The following FCGR1A variants were observed in gnomAD, a reference collection of about 807,000 sequenced individuals.
The protein encoded by FCGR1A is high affinity immunoglobulin gamma Fc receptor I.
FCGR1A carries 13 observed loss-of-function variants against 35.0 expected under a neutral mutation model. The observed-to-expected ratio is 0.37, with a 90% CI of 0.24 to 0.59. The LOEUF (loss-of-function observed/expected upper bound fraction) is 0.59. FCGR1A is among the 20% of genes least tolerant of loss of function. FCGR1A has a pLI of 0.71. For missense variants in FCGR1A, 227 were observed against 430.0 expected (o/e 0.53, Z 4.17); for synonymous variants, 91 against 164.7 (o/e 0.55, Z 3.43).
chr1:149,790,254 G>T lies in FCGR1A; in HGVS notation c.760G>T (p.Asp254Tyr). The T allele has an allele frequency of 6.2e-7, 1 of 1,604,788 alleles. No homozygotes were observed. Among genetic ancestry groups the T allele is most frequent in the East Asian group, 2.2e-5 (1 of 44,758 alleles). Residue 254 changes from aspartate to tyrosine, a missense_variant, in exon 5 of 6, where the codon GAC (aspartate) becomes TAC (tyrosine). Asp to Tyr is a radical substitution (Grantham distance 160, BLOSUM62 -3). This residue lies in a region of FCGR1A where 185 missense variants were observed against 306.6 expected (regional missense o/e 0.60). Coordinates refer to ENST00000369168, the MANE Select transcript of FCGR1A (RefSeq NM_000566.4). The part of the protein sequence containing the change: ...EYQILTARRE[D>Y]SGLYWCEAAT... Reference sequence around the variant, plus strand: ...CCAAATACTAACTGCTAGAAGAGAAGACTCTGGGTTATACTGGTGCGAGGC... The same window carrying T: ...CCAAATACTAACTGCTAGAAGAGAATACTCTGGGTTATACTGGTGCGAGGC...
intron 3 of FCGR1A, chr1:149,785,546 A>G (rs1355217775): frequency 6.6e-6 from 1 of 151,196 alleles, no homozygotes; most frequent in Non-Finnish European, 1.5e-5. Flanking sequence ...TTCAAGCAGA[A>G]GTGTTTCATG....
chr1:149,792,590 G>C, downstream of FCGR1A: 2 of 1,202,734 alleles, frequency 1.7e-6, no homozygotes, highest in Non-Finnish European at 2.1e-6. Flanking sequence ...CTCCGAGCGT[G>C]TCCCGCGGCG....
At position 149,784,184 on chromosome 1, in the gene FCGR1A, T is replaced by A; in HGVS notation, c.234T>A (p.Asn78Lys). 6.2e-7 allele frequency: 1 copy of A among 1,611,434 alleles called. No individual in the cohort carries two copies. The highest frequency in any genetic ancestry group is 8.5e-7 in the Non-Finnish European group (1 of 1,179,788). The change falls in exon 3 of 6, where the codon AAT becomes AAA. Residue 78 changes from asparagine to lysine, a missense_variant. This residue lies in a region of FCGR1A where 185 missense variants were observed against 306.6 expected (regional missense o/e 0.60). Coordinates refer to ENST00000369168, the MANE Select transcript of FCGR1A (RefSeq NM_000566.4). ...PSYRITSASVNDSGEYRCQRG... is the reference protein window; with the variant it reads ...PSYRITSASVKDSGEYRCQRG... ...ACAGAATCACCTCTGCCAGTGTCAA[T>A]GACAGTGGTGAATACAGGTGCCAGA...
the FCGR1A span, among the ~76,000 whole-genome samples, chr1:149,796,844 C>A: frequency 9.2e-5 from 14 of 152,274 alleles, no homozygotes; most frequent in African/African-American, 3.4e-4. Flanking sequence ...GCTTTTAATA[C>A]TATTCTATTA....
At chr1:149,793,013 A>G, downstream of FCGR1A, 1 of 1,267,126 alleles carries the variant, frequency 7.9e-7, no homozygotes, top group Non-Finnish European at 1.0e-6. Flanking sequence ...GAGTCCCTCC[A>G]ACCCCGCCCC....
chr1:149,787,352 C>T (rs1398829777), intron 3 of FCGR1A: 1 of 152,104 alleles, frequency 6.6e-6, no homozygotes, highest in Non-Finnish European at 1.5e-5. Flanking sequence ...CCAACTGCCT[C>T]TGGAGAAAAG....
In FCGR1A at chr1:149,791,276, TCTATCTGG is replaced by T; in HGVS notation, c.886_893del (p.Tyr296SerfsTer17). Reference sequence around the variant, plus strand: ...ACTCCTGTCTGGTTTCATGTCCTTTTCTATCTGGCAGTGGGAATAATGTTTTTAGTGAA... The same window carrying T: ...ACTCCTGTCTGGTTTCATGTCCTTTTCAGTGGGAATAATGTTTTTAGTGAA... On this transcript the variant is annotated frameshift_variant, in exon 6 of 6. Transcript: ENST00000369168. LOFTEE classifies it high-confidence loss of function. 1 of 1,604,726 alleles carries T rather than the reference TCTATCTGG, an allele frequency of 6.2e-7. No homozygotes were observed. The highest frequency in any genetic ancestry group is 1.1e-5 in the South Asian group (1 of 90,180).
the FCGR1A span, among the ~76,000 whole-genome samples, chr1:149,799,596 A>T: frequency 6.6e-6 from 1 of 152,290 alleles, no homozygotes; most frequent in East Asian, 1.9e-4. Flanking sequence ...GAAATTGTGC[A>T]GTGCACAATC....
intron 5 of FCGR1A, 87 bp downstream of exon 5, chr1:149,790,425 GC>G (rs1362777870): frequency 6.5e-7 from 1 of 1,545,380 alleles, no homozygotes; most frequent in East Asian, 2.4e-5. Flanking sequence ...AGGGTTTTTG[GC>G]CCAGACAGGA....
intron 3 of FCGR1A, among the ~76,000 whole-genome samples, chr1:149,785,434 T>TTTTTA (rs2091521160): frequency 1.4e-5 from 2 of 142,012 alleles, no homozygotes; most frequent in African/African-American, 5.4e-5. Flanking sequence ...TTTTTTTTTT[T>TTTTTA]GAGACAGAGT....
the FCGR1A span, among the ~76,000 whole-genome samples, chr1:149,800,045 G>C: frequency 3.3e-3 from 501 of 152,000 alleles, 2 homozygotes; most frequent in African/African-American, 0.012. Flanking sequence ...TGGGCCTCCA[G>C]AACTTCTGAC....
downstream of FCGR1A, chr1:149,792,965 A>C (rs1553752275): frequency 3.1e-6 from 4 of 1,275,466 alleles, no homozygotes; most frequent in Non-Finnish European, 1.0e-6. Flanking sequence ...GAAGTTCGGT[A>C]GTCTGCGAGG....
At chr1:149,798,770 C>T in the FCGR1A span, among the ~76,000 whole-genome samples, 1 of 152,112 alleles carries the variant, frequency 6.6e-6, no homozygotes, top group African/African-American at 2.4e-5. Context: ...TGTAACCATG[C>T]CTGGCTAATA....
rs140559849 is a variant in FCGR1A, at chr1:149,791,447, A to T, written c.1055A>T (p.Lys352Ile). 3,661 of 1,606,864 alleles carry T rather than the reference A, an allele frequency of 2.3e-3. 64 individuals are homozygous for T. The African/African-American group carries it at 0.042, about 18-fold the overall frequency. The change falls in exon 6 of 6, where the codon AAA (lysine) becomes ATA (isoleucine). Residue 352 changes from lysine to isoleucine, a missense_variant. Around this residue, in one of 3 missense-constraint regions of FCGR1A, gnomAD observed 39 missense variants for 101.3 expected, o/e 0.38. Transcript: ENST00000369168. ...QEDRHLEEEL[K>I]CQEQKEEQLQ... ...GACAGACATTTAGAAGAAGAGCTGA[A>T]ATGTCAGGAACAAAAAGAAGAACAG...
At chr1:149,784,700 CTA>C (rs34346480) in intron 3 of FCGR1A, among the ~76,000 whole-genome samples, 8,864 of 146,106 alleles carry the variant, frequency 0.061, 741 homozygotes, top group African/African-American at 0.2. Context: ...TATATATAAA[CTA>C]TATATATATA....
At chr1:149,785,235 C>G (rs1181361650) in intron 3 of FCGR1A, among the ~76,000 whole-genome samples, 1 of 152,070 alleles carries the variant, frequency 6.6e-6, no homozygotes, top group African/African-American at 2.4e-5. Context: ...TCAATCCACA[C>G]TGGAGGCAAA....
the FCGR1A span, among the ~76,000 whole-genome samples, chr1:149,798,536 G>A: frequency 1.3e-5 from 2 of 151,174 alleles, no homozygotes; most frequent in African/African-American, 4.9e-5. Flanking sequence ...ACAATTCATG[G>A]TCATTCCTTA....
At chr1:149,786,879 TTAGTA>T (rs1317123700) in intron 3 of FCGR1A, 1 of 152,212 alleles carries the variant, frequency 6.6e-6, no homozygotes, top group African/African-American at 2.4e-5. Context: ...TATCAGTTCA[TTAGTA>T]TTTGTTGAAA....
At position 149,791,323 on chromosome 1, in the gene FCGR1A, G is replaced by A. The variant is rs781873802; in HGVS notation, c.931G>A (p.Val311Met). 4.4e-6 allele frequency: 7 copies of A among 1,594,670 alleles called. No homozygotes were observed. Among genetic ancestry groups the A allele is most frequent in the Non-Finnish European group, 6.0e-6 (7 of 1,170,340 alleles). The change falls in exon 6 of 6, where the codon GTG becomes ATG. Residue 311 changes from valine to methionine, a missense_variant. Val to Met is a conservative substitution (Grantham distance 21). This residue lies in a region of FCGR1A where 39 missense variants were observed against 101.3 expected (regional missense o/e 0.38). Coordinates refer to ENST00000369168, the MANE Select transcript of FCGR1A (RefSeq NM_000566.4). ...GTTTTTAGTGAACACTGTTCTCTGG[G>A]TGACAATACGTAAAGAACTGAAAAG... is the stretch of plus-strand genomic sequence containing the variant. ...IMFLVNTVLW[V>M]TIRKELKRKK...
Sources: gnomAD v4.1 joint callset for allele counts (sites outside exome capture counted in the v4.1 genomes callset) on GRCh38, gnomAD v4.1.1 for gene constraint, gnomAD v4.1.1 regional missense constraint, MANE v1.5 for transcripts, NCBI Gene and HGNC (gene_info 2026-07-23, HGNC 2026-07-21) for gene names.